The following ZYG11A variants were observed in gnomAD, a reference collection of about 807,000 sequenced individuals.
The protein encoded by ZYG11A is protein zyg-11 homolog A.
A neutral mutation model predicts 77.2 loss-of-function variants in ZYG11A; 62 were observed. That is an observed-to-expected ratio of 0.80 (90% CI 0.65 to 0.99). The LOEUF (loss-of-function observed/expected upper bound fraction) is 0.99. Among genes scored for constraint, ZYG11A ranks in the 50% least tolerant of loss-of-function variants. The probability of loss-of-function intolerance (pLI) is 0.00; values close to 1 mark genes in which losing one functional copy is unlikely to be tolerated. For synonymous variants in ZYG11A, 315 were observed against 324.6 expected (o/e 0.97, Z 0.32); for missense variants, 828 against 896.8 (o/e 0.92, Z 0.98).
chr1:52,886,004 C>T, intron 12 of ZYG11A, 110 bp downstream of exon 12: 1 of 773,796 alleles, frequency 1.3e-6, no homozygotes, highest in South Asian at 2.1e-5. Flanking sequence ...ACAATCTTGG[C>T]TCACTGCAAG....
intron 1 of ZYG11A, among the ~76,000 whole-genome samples, chr1:52,849,614 C>T (rs1327110575): frequency 2.6e-5 from 4 of 151,942 alleles, no homozygotes; most frequent in African/African-American, 4.8e-5. Context: ...GTGATCTGCC[C>T]GCCTCGGCCT....
Position 52,842,855 on chromosome 1 carries a change from CTT to C in ZYG11A, c.-25_-24del. 1 of 1,527,822 alleles carries C rather than the reference CTT, an allele frequency of 6.5e-7. No individual in the cohort carries two copies. Among genetic ancestry groups the C allele is most frequent in the South Asian group, 1.2e-5 (1 of 81,394 alleles). 94.6% of individuals were successfully genotyped at this position (1,527,822 alleles called of 1,614,324 possible). On this transcript the variant is annotated 5_prime_UTR_variant, in exon 1 of 14. Coordinates refer to ENST00000371528, the MANE Select transcript of ZYG11A (RefSeq NM_001004339.3). ...CGGGCTCCGGCTCGACGCCGGCTCT[CTT>C]TTTGACGCCCCGCCGCCGGGGTTGC...
intron 1 of ZYG11A, among the ~76,000 whole-genome samples, chr1:52,849,099 CTG>C (rs1303186899): frequency 3.9e-5 from 6 of 152,108 alleles, no homozygotes; most frequent in Non-Finnish European, 8.8e-5. Flanking sequence ...GAGTCTCACT[CTG>C]TCGCCCAGCT....
chr1:52,856,008 G>A (rs1645803427), intron 2 of ZYG11A, among the ~76,000 whole-genome samples: 1 of 152,114 alleles, frequency 6.6e-6, no homozygotes. Flanking sequence ...TGGATCAAAT[G>A]GTAACTCATT....
At chr1:52,886,182 T>C (rs2150021780) in intron 12 of ZYG11A, among the ~76,000 whole-genome samples, 1 of 152,300 alleles carries the variant, frequency 6.6e-6, no homozygotes, top group South Asian at 2.1e-4. Context: ...TCTGCCCGCC[T>C]CGGCCTCCTA....
rs1310673286 is a variant in ZYG11A at position 52,863,962 on chromosome 1, A to G, written c.1150-19A>G. On this transcript the variant is annotated intron_variant, in intron 4 of 13. Transcript: ENST00000371528. The stretch of plus-strand genomic sequence containing the variant: ...AATGTTACTGGCATCATATGCACTA[A>G]AAACAAGTTCATCTTCAGCTTGTGG... 6.5e-7 allele frequency: 1 copy of G among 1,542,930 alleles called. No homozygotes were observed. Among genetic ancestry groups the G allele is most frequent in the East Asian group, 2.5e-5 (1 of 40,792 alleles).
At chr1:52,855,463 T>C (rs1645792779) in intron 2 of ZYG11A, among the ~76,000 whole-genome samples, 1 of 152,118 alleles carries the variant, frequency 6.6e-6, no homozygotes, top group Non-Finnish European at 1.5e-5. Context: ...GTGCTGGGAT[T>C]ACAGGCGTGA....
At position 52,857,013 on chromosome 1, in the gene ZYG11A, G is replaced by C. The variant is rs1366290619; in HGVS notation, c.272G>C (p.Arg91Thr). 1 of 1,540,504 alleles carries C rather than the reference G, an allele frequency of 6.5e-7. No individual in the cohort carries two copies. Among genetic ancestry groups the C allele is most frequent in the Admixed American group, 2.0e-5 (1 of 50,256 alleles). ...VMTWQGKLTD[R>T]TASIFRGNQM... is the part of the protein sequence containing the mutation. ...TCTTTCATAGGCAAGCTGACTGACA[G>C]AACAGCCAGCATTTTCCGAGGCAAC... Residue 91 changes from arginine to threonine, a missense_variant, in exon 3 of 14, where the codon AGA becomes ACA. Arg to Thr is a moderately conservative substitution (Grantham distance 71, BLOSUM62 -1). Transcript: ENST00000371528.
intron 4 of ZYG11A, among the ~76,000 whole-genome samples, chr1:52,861,235 C>G (rs1375691613): frequency 1.3e-5 from 2 of 152,118 alleles, no homozygotes; most frequent in African/African-American, 4.8e-5. Context: ...TATAGCCAAA[C>G]TTAGCTTTGG....
intron 1 of ZYG11A, among the ~76,000 whole-genome samples, chr1:52,848,689 C>T (rs1468408225): frequency 1.3e-5 from 2 of 151,926 alleles, no homozygotes; most frequent in East Asian, 1.9e-4. Context: ...CAAGACCAGC[C>T]TGGAGAATCT....
chr1:52,892,051 A>T (rs972691685), intron 13 of ZYG11A, among the ~76,000 whole-genome samples: 5 of 150,702 alleles, frequency 3.3e-5, no homozygotes, highest in African/African-American at 1.2e-4. Flanking sequence ...GGTGCCCACG[A>T]CCACGCCCAG....
In ZYG11A at chr1:52,866,541, G is replaced by T. The variant is rs921681885; in HGVS notation, c.1365G>T (p.Arg455Ser). 3 of 1,542,982 alleles carry T rather than the reference G, an allele frequency of 1.9e-6. No individual in the cohort carries two copies. Among genetic ancestry groups the T allele is most frequent in the Non-Finnish European group, 2.6e-6 (3 of 1,139,752 alleles). Residue 455 changes from arginine to serine, a missense_variant, in exon 6 of 14, where the codon AGG (arginine) becomes AGT (serine). Physicochemically the swap from Arg to Ser is moderately radical, Grantham distance 110. Coordinates refer to ENST00000371528, the MANE Select transcript of ZYG11A (RefSeq NM_001004339.3). ...GTCTTCTCTCCTTAACCAATTCCAG[G>T]ATTCTTGTGGATGTTCCATTTGACA... ...KNCLLSLTNS[R>S]ILVDVPFDRF...
intron 8 of ZYG11A, among the ~76,000 whole-genome samples, chr1:52,869,899 G>A (rs949502079): frequency 1.7e-4 from 25 of 148,848 alleles, no homozygotes; most frequent in East Asian, 4.0e-4. Context: ...GCGGCTGGCC[G>A]GGCAGGGGGC....
rs557735004 is a variant in ZYG11A, at chr1:52,862,208, C to CA, written c.1149+1343dup. Among the ~76,000 whole-genome samples the CA allele has an allele frequency of 2.7e-5, 4 of 147,540 alleles. No homozygotes were observed. The South Asian group carries it at 8.6e-4, about 32-fold the overall frequency. ...TGGGCGACAGAGCAAGACTCTGTCTCAAAAAACAAAAAAAAAGTTAGGTGG... is the reference window on the plus strand; with the variant it reads ...TGGGCGACAGAGCAAGACTCTGTCTCAAAAAAACAAAAAAAAAGTTAGGTGG... On this transcript the variant is annotated intron_variant, in intron 4 of 13. Coordinates refer to ENST00000371528, the MANE Select transcript of ZYG11A (RefSeq NM_001004339.3).
chr1:52,884,272 A>G (rs1646409635), intron 11 of ZYG11A, among the ~76,000 whole-genome samples: 4 of 152,062 alleles, frequency 2.6e-5, no homozygotes, highest in Admixed American at 2.0e-4. Context: ...CGAGGCGGGC[A>G]GATCATGAGG....
intron 1 of ZYG11A, among the ~76,000 whole-genome samples, chr1:52,854,113 A>G (rs1645764383): frequency 6.6e-6 from 1 of 152,136 alleles, no homozygotes. Context: ...GTTTATAAGT[A>G]ATTTAGAAAT....
intron 11 of ZYG11A, among the ~76,000 whole-genome samples, chr1:52,884,036 G>A (rs1415084641): frequency 1.3e-5 from 2 of 151,810 alleles, no homozygotes; most frequent in Admixed American, 6.6e-5. Context: ...ACCATGCCCA[G>A]TTAATTTTTG....
At chr1:52,850,492 G>A (rs1645688197) in intron 1 of ZYG11A, among the ~76,000 whole-genome samples, 1 of 151,896 alleles carries the variant, frequency 6.6e-6, no homozygotes, top group East Asian at 1.9e-4. Flanking sequence ...CCAATTTTTT[G>A]TATTTTTAAT....
At chr1:52,887,295 C>G (rs1390940728) in intron 13 of ZYG11A, among the ~76,000 whole-genome samples, 5 of 152,186 alleles carry the variant, frequency 3.3e-5, no homozygotes, top group African/African-American at 1.2e-4. Flanking sequence ...GTATTCCCCA[C>G]AGACAAGCAC....
Sources: gnomAD v4.1 joint callset for allele counts (sites outside exome capture counted in the v4.1 genomes callset) on GRCh38, gnomAD v4.1.1 for gene constraint, MANE v1.5 for transcripts, NCBI Gene and HGNC (gene_info 2026-07-23, HGNC 2026-07-21) for gene names.